Variants in NCOA7 observed in about 807,000 individuals in gnomAD.
The protein encoded by NCOA7 is nuclear receptor coactivator 7.
Under a neutral mutation model 104.3 loss-of-function variants are expected in NCOA7, and 45 were observed. That is an observed-to-expected ratio of 0.43 (90% CI 0.34 to 0.55). The LOEUF (loss-of-function observed/expected upper bound fraction) is 0.55. Among genes scored for constraint, NCOA7 ranks in the 20% least tolerant of loss-of-function variants. The pLI, the probability that NCOA7 is intolerant of heterozygous loss-of-function variation, is 0.02. For synonymous variants in NCOA7, 398 were observed against 402.3 expected, an observed-to-expected ratio of 0.99 and a Z score of 0.13; for missense variants, 1,041 against 1,119.7, an observed-to-expected ratio of 0.93 and a Z score of 1.00.
At chr6:125,864,113 A>C (rs1409249226) in intron 3 of NCOA7, among the ~76,000 whole-genome samples, 2 of 138,034 alleles carry the variant, frequency 1.4e-5, no homozygotes, top group African/African-American at 6.0e-5. Context: ...CTAAGCAAAC[A>C]GTCATGAGCA....
At chr6:125,920,787 G>A (rs956720928) in intron 11 of NCOA7, among the ~76,000 whole-genome samples, 156 bp from the exon 12 acceptor site, 1 of 152,154 alleles carries the variant, frequency 6.6e-6, no homozygotes, top group African/African-American at 2.4e-5. Flanking sequence ...TTCTGAAACT[G>A]AAAAATTAGC....
In NCOA7 at chr6:125,834,696, A is replaced by G. The variant is rs113033897; in HGVS notation, c.50+19292A>G. 4.0e-3 allele frequency among the ~76,000 whole-genome samples: 610 copies of G among 152,330 alleles called. 6 individuals carry two copies. Among genetic ancestry groups the G allele is most frequent in the African/African-American group, 0.014 (593 of 41,574 alleles). On this transcript the variant is annotated intron_variant, in intron 2 of 15. Transcript: ENST00000392477. ...GAAGAAGCTGAGGCAAAATTAATGC[A>G]GGTAGAGTTGATTTGAGCCAAACTT...
intron 10 of NCOA7, among the ~76,000 whole-genome samples, chr6:125,898,366 A>T (rs1785219532): frequency 6.6e-6 from 1 of 152,234 alleles, no homozygotes; most frequent in African/African-American, 2.4e-5. Flanking sequence ...TGTTATCTTC[A>T]TCATCCCAAG....
rs774481030 is a variant in NCOA7, at chr6:125,922,740, C to T, written c.2429C>T (p.Thr810Met). ...TATCCATGGAGACTGGCCTATAGCA[C>T]GTTAGAGCACGGGACCAGCTTAAAG... ...QGYPWRLAYS[T>M]LEHGTSLKTL... The change falls in exon 13 of 16, where the codon ACG (threonine) becomes ATG (methionine). Residue 810 changes from threonine (T) to methionine (M), a missense_variant. Coordinates refer to ENST00000392477, the MANE Select transcript of NCOA7 (RefSeq NM_181782.5). 6.2e-7 allele frequency: 1 copy of T among 1,614,052 alleles called. No homozygotes were observed. Among genetic ancestry groups the T allele is most frequent in the Non-Finnish European group, 8.5e-7 (1 of 1,180,012 alleles).
chr6:125,878,439 C>T (rs1360470751), intron 5 of NCOA7, 69 bp downstream of exon 5: 1 of 1,022,964 alleles, frequency 9.8e-7, no homozygotes, highest in East Asian at 2.7e-5. Flanking sequence ...TTTTCAGTGC[C>T]TCACTATTGT....
intron 2 of NCOA7, among the ~76,000 whole-genome samples, chr6:125,823,920 T>C (rs1778424730): frequency 6.6e-6 from 1 of 152,148 alleles, no homozygotes; most frequent in Non-Finnish European, 1.5e-5. Context: ...AGAATAAATA[T>C]TTGTTTATGA....
At chr6:125,887,219 G>A (rs2128655090) in intron 8 of NCOA7, among the ~76,000 whole-genome samples, 1 of 152,320 alleles carries the variant, frequency 6.6e-6, no homozygotes, top group Middle Eastern at 3.4e-3. Context: ...TAGAGAAGGT[G>A]AAGAAAGTTT....
chr6:125,902,539 G>A (rs970467922), intron 10 of NCOA7, among the ~76,000 whole-genome samples: 5 of 150,682 alleles, frequency 3.3e-5, no homozygotes, highest in Non-Finnish European at 4.4e-5. Context: ...AAATCCTACC[G>A]TAACTAGTAG....
chr6:125,824,124 G>C (rs774680305), intron 2 of NCOA7, among the ~76,000 whole-genome samples: 1 of 152,040 alleles, frequency 6.6e-6, no homozygotes, highest in African/African-American at 2.4e-5. Flanking sequence ...CACATTGGCT[G>C]ATTGGCAGCT....
chr6:125,871,418 C>T (rs760268328), intron 3 of NCOA7, among the ~76,000 whole-genome samples: 8 of 152,246 alleles, frequency 5.3e-5, no homozygotes, highest in Non-Finnish European at 8.8e-5. Flanking sequence ...ACACACAGGA[C>T]TTCACTCATT....
intron 5 of NCOA7, among the ~76,000 whole-genome samples, chr6:125,878,846 A>G (rs1176528655): frequency 6.6e-6 from 1 of 152,184 alleles, no homozygotes; most frequent in Non-Finnish European, 1.5e-5. Flanking sequence ...GGCAATAGGA[A>G]ACTTTCACCC....
chr6:125,831,488 T>G lies in NCOA7; in HGVS notation c.50+16084T>G, dbSNP rs570121584. ...TTTTGAAAACCAGGTTTGTTTGTTT[T>G]TTTTTTTTCCTACTTCCAATTTTCT... On this transcript the variant is annotated intron_variant, in intron 2 of 15. Coordinates refer to ENST00000392477, the MANE Select transcript of NCOA7 (RefSeq NM_181782.5). Among the ~76,000 whole-genome samples, 35 of 152,204 alleles carry G rather than the reference T, an allele frequency of 2.3e-4. No individual in the cohort carries two copies. The South Asian group carries it at 2.5e-3, about 11-fold the overall frequency.
In NCOA7 at chr6:125,838,298, G is replaced by C; in HGVS notation, c.51-16722G>C. Among the ~76,000 whole-genome samples the C allele has an allele frequency of 1.3e-5, 2 of 152,150 alleles. 1 individual carries two copies. The stretch of plus-strand genomic sequence containing the variant: ...AGTGGCAAGATAGATTATGGGGAAG[G>C]AAAGAAGAGGAGGAGGCCTGGCTTG... On this transcript the variant is annotated intron_variant, in intron 2 of 15. Coordinates refer to ENST00000392477, the MANE Select transcript of NCOA7 (RefSeq NM_181782.5).
In NCOA7 at chr6:125,890,804, G is replaced by A. The variant is rs141809767; in HGVS notation, c.2090G>A (p.Arg697Gln). The A allele has an allele frequency of 6.8e-6, 11 of 1,606,206 alleles. No homozygotes were observed. The highest frequency in any genetic ancestry group is 5.6e-5 in the South Asian group (5 of 89,656). ...KQPEYWFAVP[R>Q]ERVDHLYTFF... is the part of the protein sequence containing the mutation. ...CCAGAGTACTGGTTTGCTGTTCCTCGGGAGAGGTGAGTATGGGCTACAATG... is the reference window on the plus strand; with the variant it reads ...CCAGAGTACTGGTTTGCTGTTCCTCAGGAGAGGTGAGTATGGGCTACAATG... Residue 697 changes from arginine to glutamine, a missense_variant, in exon 10 of 16, where the codon CGG (arginine) becomes CAG (glutamine). Arg to Gln is a conservative substitution (Grantham distance 43). This residue lies in a region of NCOA7 where 914 missense variants were observed against 942.7 expected (regional missense o/e 0.97). Coordinates refer to ENST00000392477, the MANE Select transcript of NCOA7 (RefSeq NM_181782.5).
chr6:125,847,408 C>T (rs911619152), intron 2 of NCOA7, among the ~76,000 whole-genome samples: 25 of 152,296 alleles, frequency 1.6e-4, no homozygotes, highest in Admixed American at 5.9e-4. Context: ...TAGTAACTAT[C>T]GGTGACTGGC....
chr6:125,874,571 A>T (rs1783204752), intron 3 of NCOA7, among the ~76,000 whole-genome samples: 1 of 152,242 alleles, frequency 6.6e-6, no homozygotes, highest in South Asian at 2.1e-4. Context: ...ACTCATTTAC[A>T]TTAGGCATCA....
intron 13 of NCOA7, 66 bp downstream of exon 13, chr6:125,922,900 G>GACT: frequency 6.9e-7 from 1 of 1,446,424 alleles, no homozygotes; most frequent in South Asian, 1.3e-5. Context: ...ACAGTAGAGA[G>GACT]ACTAGTACCA....
At chr6:125,789,337 C>G (rs1207595196), upstream of NCOA7, among the ~76,000 whole-genome samples, 1 of 152,178 alleles carries the variant, frequency 6.6e-6, no homozygotes, top group Non-Finnish European at 1.5e-5. Flanking sequence ...CTTAAAAGAA[C>G]TATCTCAAAA....
intron 10 of NCOA7, among the ~76,000 whole-genome samples, chr6:125,895,622 G>A (rs1784942185): frequency 6.6e-6 from 1 of 152,286 alleles, no homozygotes; most frequent in Non-Finnish European, 1.5e-5. Context: ...ACACAGTTCT[G>A]CAGGCTGTGC....
Sources: gnomAD v4.1 joint callset for allele counts (sites outside exome capture counted in the v4.1 genomes callset) on GRCh38, gnomAD v4.1.1 for gene constraint, gnomAD v4.1.1 regional missense constraint, MANE v1.5 for transcripts, NCBI Gene and HGNC (gene_info 2026-07-23, HGNC 2026-07-21) for gene names.